The following ANO10 variants were observed in gnomAD, a reference collection of about 807,000 sequenced individuals.
ANO10 encodes anoctamin-10.
ANO10 carries 77 observed loss-of-function variants against 74.7 expected under a neutral mutation model. That is an observed-to-expected ratio of 1.03 (90% CI 0.86 to 1.25). The LOEUF is 1.25. Among genes scored for constraint, ANO10 ranks in the 50% most tolerant of loss-of-function variants. The probability of loss-of-function intolerance (pLI) is 0.00; values close to 1 mark genes in which losing one functional copy is unlikely to be tolerated. For synonymous variants in ANO10, 279 were observed against 284.9 expected (o/e 0.98, Z 0.21); for missense variants, 721 against 778.1 (o/e 0.93, Z 0.87).
At chr3:43,432,941 A>ATTTTTTTTTTT (rs1559539096) in intron 11 of ANO10, among the ~76,000 whole-genome samples, 2 of 46,534 alleles carry the variant, frequency 4.3e-5, no homozygotes, top group African/African-American at 5.9e-5. Context: ...ACTTTGCTTA[A>ATTTTTTTTTTT]TTCTTTTTTT....
At chr3:43,479,931 T>G (rs2076203915) in intron 11 of ANO10, among the ~76,000 whole-genome samples, 2 of 152,038 alleles carry the variant, frequency 1.3e-5, no homozygotes, top group African/African-American at 4.8e-5. Context: ...CCAGGGGCAG[T>G]AACACAATAA....
chr3:43,619,513 G>A (rs1375767161), intron 1 of ANO10, among the ~76,000 whole-genome samples: 3 of 152,164 alleles, frequency 2.0e-5, no homozygotes, highest in Admixed American at 6.5e-5. Context: ...GCAACTTTTT[G>A]TAAATCTAAA....
rs569513041 is a variant in ANO10 at position 43,605,848 on chromosome 3, T to C, written c.5A>G (p.Lys2Arg). ...AGTATCCAAAGCTGATAAGGTCACT[T>C]TCATCTTTGACAAATCTGCGGAAAA... The part of the protein sequence containing the change: M[K>R]VTLSALDTSE... Residue 2 changes from lysine to arginine, a missense_variant, in exon 2 of 13, where the codon AAA becomes AGA. Physicochemically the swap from Lys to Arg is conservative, Grantham distance 26. Transcript: ENST00000292246. The C allele has an allele frequency of 6.8e-6, 11 of 1,613,568 alleles. No individual in the cohort carries two copies. In the Admixed American group the frequency reaches 1.8e-4, roughly 27 times the overall value.
intron 12 of ANO10, among the ~76,000 whole-genome samples, chr3:43,410,572 TA>T (rs1328433353): frequency 6.6e-6 from 1 of 152,216 alleles, no homozygotes; most frequent in Non-Finnish European, 1.5e-5. Context: ...ACTACAAAAT[TA>T]TGAGTTTTCT....
chr3:43,478,558 A>G (rs192425537), intron 11 of ANO10, among the ~76,000 whole-genome samples: 30 of 152,306 alleles, frequency 2.0e-4, no homozygotes, highest in African/African-American at 7.2e-4. Context: ...ACATCATCAC[A>G]ATCAGAAAAA....
At chr3:43,438,055 T>C (rs1050511198) in intron 11 of ANO10, among the ~76,000 whole-genome samples, 1 of 151,918 alleles carries the variant, frequency 6.6e-6, no homozygotes, top group African/African-American at 2.4e-5. Flanking sequence ...AAACAATGCA[T>C]GAACAGAAAG....
At chr3:43,484,945 G>T in intron 11 of ANO10, 1 of 944,014 alleles carries the variant, frequency 1.1e-6, no homozygotes, top group Non-Finnish European at 1.6e-6. Context: ...AGTTTATTTG[G>T]GGCCCACCCA....
intron 11 of ANO10, among the ~76,000 whole-genome samples, chr3:43,508,669 T>A (rs1468752303): frequency 6.6e-6 from 1 of 151,924 alleles, no homozygotes; most frequent in Middle Eastern, 3.2e-3. Flanking sequence ...CTGGGAACCA[T>A]CATTCTGAGC....
intron 11 of ANO10, among the ~76,000 whole-genome samples, chr3:43,464,093 T>C (rs1420121082): frequency 6.6e-6 from 1 of 152,182 alleles, no homozygotes; most frequent in Non-Finnish European, 1.5e-5. Context: ...TATTGAACTG[T>C]AAGTCCAATT....
chr3:43,438,367 C>A (rs2093105908), intron 11 of ANO10, among the ~76,000 whole-genome samples: 1 of 151,830 alleles, frequency 6.6e-6, no homozygotes, highest in South Asian at 2.1e-4. Context: ...TTGCTTGAAA[C>A]CAGGAATTTG....
chr3:43,409,783 A>G (rs543821044), intron 12 of ANO10, among the ~76,000 whole-genome samples: 1 of 152,364 alleles, frequency 6.6e-6, no homozygotes, highest in Admixed American at 6.5e-5. Flanking sequence ...CTAAACTGCA[A>G]TCAACCCATC....
At chr3:43,388,632 T>G (rs2092193727) in intron 12 of ANO10, among the ~76,000 whole-genome samples, 1 of 152,194 alleles carries the variant, frequency 6.6e-6, no homozygotes, top group South Asian at 2.1e-4. Context: ...AAGAAAAACT[T>G]TAAGTACATG....
intron 1 of ANO10, among the ~76,000 whole-genome samples, chr3:43,677,729 C>T (rs568055880): frequency 1.2e-4 from 18 of 152,316 alleles, no homozygotes; most frequent in African/African-American, 4.1e-4. Context: ...CACATGGTTT[C>T]TCTCTCCACA....
At chr3:43,554,518 C>T (rs1044001165) in intron 10 of ANO10, among the ~76,000 whole-genome samples, 2 of 151,980 alleles carry the variant, frequency 1.3e-5, no homozygotes, top group African/African-American at 4.8e-5. Context: ...TAAATAGAAA[C>T]CTGGACATGT....
rs764918647 is a variant in ANO10 at position 43,690,986 on chromosome 3, G to A, written c.-12+531C>T. ...AGATAAGTCCCGGCGCTTGCGCGGC[G>A]GCGGCTATGGCGGCGGAGGAGGAGG... On this transcript the variant is annotated intron_variant, in intron 1 of 3. Coordinates refer to the ANO10 transcript ENST00000413397. 4.5e-6 allele frequency: 7 copies of A among 1,572,102 alleles called. No homozygotes were observed. In the Admixed American group the frequency reaches 9.0e-5, roughly 20 times the overall value.
intron 11 of ANO10, among the ~76,000 whole-genome samples, chr3:43,471,972 G>C (rs1239667300): frequency 8.0e-6 from 1 of 125,040 alleles, no homozygotes; most frequent in Non-Finnish European, 1.8e-5. Flanking sequence ...AATCACAAAG[G>C]CTGGAAAAAA....
chr3:43,646,490 C>T (rs1413861998), intron 1 of ANO10, among the ~76,000 whole-genome samples: 1 of 152,138 alleles, frequency 6.6e-6, no homozygotes, highest in Non-Finnish European at 1.5e-5. Context: ...CCTTAGAAGA[C>T]AGAGCCATGG....
chr3:43,592,807 G>A (rs757140423), intron 4 of ANO10, among the ~76,000 whole-genome samples: 3 of 152,272 alleles, frequency 2.0e-5, no homozygotes, highest in South Asian at 2.1e-4. Flanking sequence ...GAACTTCTCC[G>A]AGCTAAAGGA....
rs553425930 is a variant in ANO10 at position 43,476,954 on chromosome 3, CA to C, written c.1798-44228del. Reference sequence around the variant, plus strand: ...GGCAGATCTCCACAGTGGGCAGATACAAGAGTTTTTTTTTCTTTTACCATGG... The same window carrying C: ...GGCAGATCTCCACAGTGGGCAGATACAGAGTTTTTTTTTCTTTTACCATGG... On this transcript the variant is annotated intron_variant, in intron 11 of 12. Transcript: ENST00000292246. 1.2e-3 allele frequency among the ~76,000 whole-genome samples: 187 copies of C among 152,162 alleles called. 1 individual carries two copies. The highest frequency in any genetic ancestry group is 3.9e-3 in the African/African-American group (162 of 41,548).
Sources: allele counts gnomAD v4.1 joint callset (sites outside exome capture counted in the v4.1 genomes callset), GRCh38; gene constraint gnomAD v4.1.1; transcripts MANE v1.5; gene names NCBI Gene and HGNC (gene_info 2026-07-23, HGNC 2026-07-21).